Variants in MOB1B observed in about 807,000 individuals in gnomAD.
MOB1B encodes the protein MOB1 Mps One Binder homolog B.
In MOB1B, 19 loss-of-function variants were observed where a neutral mutation model predicts 24.4. The observed-to-expected ratio is 0.78, with a 90% CI of 0.54 to 1.14. The LOEUF (loss-of-function observed/expected upper bound fraction) is 1.14, where lower values mean the gene tolerates loss of function less well. Ranked by LOEUF, MOB1B falls within the 50% of genes most tolerant of loss-of-function variation. The probability of loss-of-function intolerance (pLI) is 0.00; values close to 1 mark genes in which losing one functional copy is unlikely to be tolerated. For synonymous variants in MOB1B, 76 were observed against 82.1 expected (o/e 0.93, Z 0.40); for missense variants, 243 against 259.6 (o/e 0.94, Z 0.44).
rs193081462 is a variant in MOB1B, at chr4:70,902,842, C to A, written c.14+292C>A. On this transcript the variant is annotated intron_variant, in intron 1 of 5. Coordinates refer to ENST00000309395, the MANE Select transcript of MOB1B (RefSeq NM_173468.4). Reference sequence around the variant, plus strand: ...GATTCCTTCATCACCCCCGTCTCTGCCTTCGCTCGCATTCCCGGGCTTGTT... The same window carrying A: ...GATTCCTTCATCACCCCCGTCTCTGACTTCGCTCGCATTCCCGGGCTTGTT... 7.4e-3 allele frequency among the ~76,000 whole-genome samples: 1,127 copies of A among 152,308 alleles called. 13 individuals carry two copies. The highest frequency in any genetic ancestry group is 0.026 in the African/African-American group (1,088 of 41,560).
rs773409733 is a variant in MOB1B, at chr4:70,984,735, G to T, written c.*2678G>T. 4 of 152,172 alleles carry T rather than the reference G, an allele frequency of 2.6e-5. No individual in the cohort carries two copies. Among genetic ancestry groups the T allele is most frequent in the African/African-American group, 7.2e-5 (3 of 41,454 alleles). The allele number at this position is 152,172 out of a possible 1,614,324, so 9.4% of individuals were successfully genotyped here. A position where few individuals can be genotyped will look rare whatever the true frequency, so the allele number is the denominator to read the frequency against. ...ATTGATGGAGTAGTGGTGGTAGAGA[G>T]AAATTAATAACAAAAAGAGTGAAAA... On this transcript the variant is annotated 3_prime_UTR_variant, in exon 6 of 6. Coordinates refer to ENST00000309395, the MANE Select transcript of MOB1B (RefSeq NM_173468.4).
chr4:70,928,757 A>C (rs969677322), intron 1 of MOB1B, among the ~76,000 whole-genome samples: 1 of 152,176 alleles, frequency 6.6e-6, no homozygotes, highest in African/African-American at 2.4e-5. Flanking sequence ...ATAATAAAAA[A>C]ACTTTTTTTT....
In MOB1B at chr4:70,981,486, A is replaced by T. The variant is rs148230513; in HGVS notation, c.574-494A>T. ...TAATTTATCATTTGTGGATTCAGCC[A>T]TATTCGTGTTATTTTCCTACCATAT... On this transcript the variant is annotated intron_variant, in intron 5 of 5. Transcript: ENST00000309395. Among the ~76,000 whole-genome samples the T allele has an allele frequency of 2.8e-3, 430 of 152,296 alleles. 4 individuals are homozygous for T. Among genetic ancestry groups the T allele is most frequent in the Admixed American group, 0.013 (205 of 15,294 alleles).
intron 1 of MOB1B, among the ~76,000 whole-genome samples, chr4:70,940,915 C>T (rs1043056620): frequency 4.6e-5 from 7 of 152,014 alleles, no homozygotes; most frequent in East Asian, 3.9e-4. Flanking sequence ...TCAGGTGATC[C>T]GCCCGCCTCG....
At chr4:70,958,783 C>T (rs1738174668) in intron 1 of MOB1B, 91 bp from the exon 2 acceptor site, 1 of 1,142,046 alleles carries the variant, frequency 8.8e-7, no homozygotes, top group South Asian at 1.3e-5. Context: ...GGATTTAAGC[C>T]AATACAGTTT....
intron 1 of MOB1B, among the ~76,000 whole-genome samples, chr4:70,936,939 C>T (rs964310187): frequency 4.6e-5 from 7 of 151,686 alleles, no homozygotes; most frequent in South Asian, 2.1e-4. Context: ...TTTTTTGAGA[C>T]GGAGTCTTGC....
intron 1 of MOB1B, among the ~76,000 whole-genome samples, chr4:70,926,719 A>G (rs918802146): frequency 6.6e-6 from 1 of 152,192 alleles, no homozygotes; most frequent in Non-Finnish European, 1.5e-5. Context: ...AGAAATAAAC[A>G]AGATGTGCCG....
chr4:70,941,006 C>T (rs1434493858), intron 1 of MOB1B, among the ~76,000 whole-genome samples: 1 of 152,166 alleles, frequency 6.6e-6, no homozygotes, highest in African/African-American at 2.4e-5. Flanking sequence ...TTTAATGTAT[C>T]TCAGCTTTGA....
chr4:70,914,792 G>C (rs948429668), intron 1 of MOB1B, among the ~76,000 whole-genome samples: 11 of 152,118 alleles, frequency 7.2e-5, no homozygotes, highest in African/African-American at 2.2e-4. Flanking sequence ...TCTTGACCCT[G>C]TCTGGCCACC....
intron 2 of MOB1B, among the ~76,000 whole-genome samples, chr4:70,961,099 T>C (rs1234152863): frequency 6.6e-6 from 1 of 152,130 alleles, no homozygotes; most frequent in Non-Finnish European, 1.5e-5. Flanking sequence ...AAAGCTTAAT[T>C]CATAAAGCTT....
intron 1 of MOB1B, among the ~76,000 whole-genome samples, chr4:70,904,447 T>C (rs1339882368): frequency 1.3e-5 from 2 of 152,098 alleles, no homozygotes; most frequent in Non-Finnish European, 2.9e-5. Context: ...GCTGATGGGC[T>C]TGTGTCTAGT....
At chr4:70,979,380 G>T in intron 5 of MOB1B, 89 bp downstream of exon 5, 1 of 1,025,884 alleles carries the variant, frequency 9.7e-7, no homozygotes, top group Non-Finnish European at 1.4e-6. Context: ...CTGTCAGGAT[G>T]GAATTTGCCA....
upstream of MOB1B, among the ~76,000 whole-genome samples, chr4:70,902,127 G>C (rs914320991): frequency 1.3e-5 from 2 of 152,198 alleles, no homozygotes; most frequent in Non-Finnish European, 2.9e-5. Context: ...AGGGGGGCCG[G>C]GCAGCCGCGG....
chr4:70,924,100 C>G (rs1217445531), intron 1 of MOB1B, among the ~76,000 whole-genome samples: 3 of 152,028 alleles, frequency 2.0e-5, no homozygotes, highest in African/African-American at 7.2e-5. Flanking sequence ...GATCATGTTT[C>G]AAACAGATGA....
At chr4:70,948,924 T>C (rs1737688353) in intron 1 of MOB1B, among the ~76,000 whole-genome samples, 1 of 152,158 alleles carries the variant, frequency 6.6e-6, no homozygotes, top group Non-Finnish European at 1.5e-5. Flanking sequence ...TGTGCTTGCC[T>C]ACTTCTCAGA....
chr4:70,934,411 A>G (rs1320962477), intron 1 of MOB1B, among the ~76,000 whole-genome samples: 6 of 151,234 alleles, frequency 4.0e-5, no homozygotes, highest in Admixed American at 3.3e-4. Context: ...TTCAATATAT[A>G]TTATGTAAAC....
intron 1 of MOB1B, among the ~76,000 whole-genome samples, chr4:70,919,750 C>T (rs1010227908): frequency 3.9e-5 from 6 of 152,198 alleles, no homozygotes; most frequent in East Asian, 1.9e-4. Flanking sequence ...CAGCCCGCCT[C>T]GGCCTCCCAC....
chr4:70,966,362 T>C (rs944225531), intron 2 of MOB1B, among the ~76,000 whole-genome samples: 5 of 151,094 alleles, frequency 3.3e-5, no homozygotes, highest in Non-Finnish European at 7.4e-5. Flanking sequence ...CTAGGCAATA[T>C]AGTGAGTCCC....
intron 1 of MOB1B, among the ~76,000 whole-genome samples, chr4:70,951,843 G>T (rs1737820440): frequency 6.6e-6 from 1 of 152,182 alleles, no homozygotes; most frequent in Admixed American, 6.5e-5. Context: ...TTCCTGCCTG[G>T]GCAATAGAGC....
Sources: gnomAD v4.1 joint callset for allele counts (sites outside exome capture counted in the v4.1 genomes callset) on GRCh38, gnomAD v4.1.1 for gene constraint, MANE v1.5 for transcripts, NCBI Gene and HGNC (gene_info 2026-07-23, HGNC 2026-07-21) for gene names.